The following ZNF614 variants were observed in gnomAD, a reference collection of about 807,000 sequenced individuals.
ZNF614 encodes zinc finger protein 614.
In ZNF614, 11 loss-of-function variants were observed where a neutral mutation model predicts 12.8. That is an observed-to-expected ratio of 0.86 (90% CI 0.54 to 1.43). The LOEUF (loss-of-function observed/expected upper bound fraction) is 1.43, where lower values mean the gene tolerates loss of function less well. Ranked by LOEUF, ZNF614 falls within the 40% of genes most tolerant of loss-of-function variation. The pLI is 0.00. For synonymous variants in ZNF614, 237 were observed against 237.5 expected (o/e 1.00, Z 0.02); for missense variants, 664 against 708.8 (o/e 0.94, Z 0.72).
intron 1 of ZNF614, among the ~76,000 whole-genome samples, chr19:52,026,557 C>G (rs1006612931): frequency 2.7e-4 from 41 of 152,302 alleles, no homozygotes; most frequent in Non-Finnish European, 2.1e-4. Flanking sequence ...CAAGGTTTCT[C>G]CCCATATGAT....
chr19:52,017,354 C>T lies in ZNF614; in HGVS notation c.244G>A (p.Gly82Arg), dbSNP rs61574510. The T allele has an allele frequency of 0.2, 320,286 of 1,585,644 alleles. 34,268 individuals carry two copies. The highest frequency in any genetic ancestry group is 0.37 in the East Asian group (16,537 of 44,590). Residue 82 changes from glycine (G) to arginine (R), a missense_variant, in exon 5 of 5, where the codon GGG becomes AGG. Gly to Arg is a moderately radical substitution (Grantham distance 125). Transcript: ENST00000270649. ...TCTTGCAGATGACTGTCAACTTTCC[C>T]GATTCCTAAGAAAGAACAGAGTAAC... ...KIQNKNCPGI[G>R]KVDSHLQEHS...
chr19:52,026,831 G>T (rs1442797504), intron 1 of ZNF614, among the ~76,000 whole-genome samples: 3 of 152,210 alleles, frequency 2.0e-5, no homozygotes, highest in African/African-American at 7.2e-5. Flanking sequence ...GCTCTTTATT[G>T]TACCGAAATG....
intron 2 of ZNF614, among the ~76,000 whole-genome samples, chr19:52,021,927 C>T (rs1033033581): frequency 6.6e-6 from 1 of 151,790 alleles, no homozygotes; most frequent in African/African-American, 2.4e-5. Context: ...AGTAAGACCA[C>T]AAAAAAATTA....
chr19:52,015,848 A>G lies in ZNF614; in HGVS notation c.1750T>C (p.Tyr584His), dbSNP rs2086892474. 1 of 1,606,924 alleles carries G rather than the reference A, an allele frequency of 6.2e-7. No homozygotes were observed. The highest frequency in any genetic ancestry group is 8.5e-7 in the Non-Finnish European group (1 of 1,176,564). Residue 584 changes from tyrosine (Y) to histidine (H), a missense_variant, in exon 5 of 5, where the codon TAT becomes CAT. Tyr to His is a moderately conservative substitution (Grantham distance 83, BLOSUM62 2). Coordinates refer to ENST00000270649, the MANE Select transcript of ZNF614 (RefSeq NM_025040.4). ...SCNGESQLLP[Y>H]K ...TTTTCTTCTGCATGAGTTCACTTAT[A>G]AGGAAGGAGCTGTGACTCTCCATTA...
chr19:52,026,977 G>A (rs754938711), intron 1 of ZNF614, among the ~76,000 whole-genome samples: 15 of 152,218 alleles, frequency 9.9e-5, no homozygotes, highest in Non-Finnish European at 1.5e-4. Flanking sequence ...CCTCTCCGAG[G>A]TGGTAGAGAT....
chr19:52,020,146 G>C (rs1262604960), intron 2 of ZNF614, among the ~76,000 whole-genome samples: 7 of 152,160 alleles, frequency 4.6e-5, no homozygotes, highest in Non-Finnish European at 1.0e-4. Context: ...ACCTGGGTTA[G>C]GCCAAACTTC....
chr19:52,013,979 A>G lies in ZNF614; in HGVS notation c.*1861T>C, dbSNP rs2086881667. On this transcript the variant is annotated 3_prime_UTR_variant, in exon 5 of 5. Transcript: ENST00000270649. ...AGCAAAGCCTCTAGACTGCTTTTGCAATTTCGAGTTCAAATTTATTTAAGT... is the reference window on the plus strand; with the variant it reads ...AGCAAAGCCTCTAGACTGCTTTTGCGATTTCGAGTTCAAATTTATTTAAGT... The G allele has an allele frequency of 6.6e-6, 1 of 152,200 alleles. No homozygotes were observed. Among genetic ancestry groups the G allele is most frequent in the African/African-American group, 2.4e-5 (1 of 41,444 alleles). The allele number at this position is 152,200 out of a possible 1,614,324, so 9.4% of individuals were successfully genotyped here. A position where few individuals can be genotyped will look rare whatever the true frequency, so the allele number is the denominator to read the frequency against.
chr19:52,019,559 C>A (rs571585125), intron 2 of ZNF614, among the ~76,000 whole-genome samples: 1 of 152,286 alleles, frequency 6.6e-6, no homozygotes, highest in African/African-American at 2.4e-5. Flanking sequence ...ACTATAGAAT[C>A]ATCAAGAGAC....
In ZNF614 at chr19:52,026,456, G is replaced by T. The variant is rs142597638; in HGVS notation, c.-216-495C>A. The stretch of plus-strand genomic sequence containing the variant: ...CTTGAAGGCAGTATGCTTGGTAAAA[G>T]TCATCACCATTCTCTAATCTCAACT... On this transcript the variant is annotated intron_variant, in intron 1 of 4. Coordinates refer to ENST00000270649, the MANE Select transcript of ZNF614 (RefSeq NM_025040.4). Among the ~76,000 whole-genome samples, 914 of 152,316 alleles carry T rather than the reference G, an allele frequency of 6.0e-3. 9 individuals are homozygous for T. The highest frequency in any genetic ancestry group is 0.011 in the Non-Finnish European group (741 of 68,032).
chr19:52,020,204 C>T (rs1013345346), intron 2 of ZNF614, among the ~76,000 whole-genome samples: 6 of 152,208 alleles, frequency 3.9e-5, no homozygotes, highest in African/African-American at 1.4e-4. Context: ...ACTTCAGACA[C>T]AAGCTGCAAG....
chr19:52,027,688 TATAAG>T (rs1376787449), intron 1 of ZNF614, among the ~76,000 whole-genome samples: 1 of 152,070 alleles, frequency 6.6e-6, no homozygotes, highest in Non-Finnish European at 1.5e-5. Flanking sequence ...GCAATAATAA[TATAAG>T]GGTGTATATA....
At chr19:52,020,503 A>G (rs903190901) in intron 2 of ZNF614, among the ~76,000 whole-genome samples, 5 of 152,226 alleles carry the variant, frequency 3.3e-5, no homozygotes, top group Non-Finnish European at 5.9e-5. Flanking sequence ...TTGTGTAACA[A>G]TATTCAAGAG....
chr19:52,027,568 T>C (rs904819182), intron 1 of ZNF614, among the ~76,000 whole-genome samples: 1 of 152,166 alleles, frequency 6.6e-6, no homozygotes, highest in South Asian at 2.1e-4. Flanking sequence ...GAGCTGGAGA[T>C]TGAAGTCAGC....
intron 2 of ZNF614, among the ~76,000 whole-genome samples, chr19:52,020,409 A>G (rs1050553710): frequency 1.3e-5 from 2 of 152,252 alleles, no homozygotes; most frequent in Non-Finnish European, 1.5e-5. Flanking sequence ...GCACAGGGTG[A>G]GGTCTGGGAA....
chr19:52,017,190 A>AT lies in ZNF614; in HGVS notation c.407dup (p.Asn136LysfsTer19). 3 of 1,614,090 alleles carry AT rather than the reference A, an allele frequency of 1.9e-6. No individual in the cohort carries two copies. Among genetic ancestry groups the AT allele is most frequent in the South Asian group, 2.2e-5 (2 of 91,076 alleles). The stretch of plus-strand genomic sequence containing the variant: ...TGATTAAACTTAAACTTGATTTCAA[A>AT]TTTTTTCTGTACAAGTCAAATGTAT... On this transcript the variant is annotated frameshift_variant, in exon 5 of 5. Coordinates refer to ENST00000270649, the MANE Select transcript of ZNF614 (RefSeq NM_025040.4). LOFTEE classifies it low-confidence loss of function (END_TRUNC).
In ZNF614 at chr19:52,016,456, G is replaced by T; in HGVS notation, c.1142C>A (p.Thr381Asn). ...YMCSECGKGFTVKSNLIVHQR... is the reference protein window; with the variant it reads ...YMCSECGKGFNVKSNLIVHQR... ...ATGTACAATGAGATTGCTCTTCACGGTAAAGCCTTTTCCACATTCACTGCA... is the reference window on the plus strand; with the variant it reads ...ATGTACAATGAGATTGCTCTTCACGTTAAAGCCTTTTCCACATTCACTGCA... The change falls in exon 5 of 5, where the codon ACC becomes AAC. Residue 381 changes from threonine (T) to asparagine (N), a missense_variant. Thr to Asn is a moderately conservative substitution (Grantham distance 65, BLOSUM62 0). Coordinates refer to ENST00000270649, the MANE Select transcript of ZNF614 (RefSeq NM_025040.4). 1 of 1,613,990 alleles carries T rather than the reference G, an allele frequency of 6.2e-7. No individual in the cohort carries two copies. Among genetic ancestry groups the T allele is most frequent in the Non-Finnish European group, 8.5e-7 (1 of 1,179,974 alleles).
chr19:52,024,167 T>C (rs1434135612), intron 2 of ZNF614, among the ~76,000 whole-genome samples: 1 of 152,150 alleles, frequency 6.6e-6, no homozygotes, highest in African/African-American at 2.4e-5. Context: ...TCCTGAGTTG[T>C]ACCCTTTCAT....
chr19:52,025,330 C>T (rs368562549), intron 2 of ZNF614, among the ~76,000 whole-genome samples: 45 of 151,532 alleles, frequency 3.0e-4, no homozygotes, highest in African/African-American at 9.7e-4. Flanking sequence ...CTTTTTTTTC[C>T]TTCTTTTTGA....
At position 52,024,236 on chromosome 19, in the gene ZNF614, G is replaced by C. The variant is rs1419797162; in HGVS notation, c.15+1495C>G. 4.6e-5 allele frequency among the ~76,000 whole-genome samples: 7 copies of C among 152,234 alleles called. No individual in the cohort carries two copies. In the East Asian group the frequency reaches 1.4e-3, roughly 29 times the overall value. ...CCTGCATTTTTTGAGCCTTCTAGCA[G>C]ATGAATAGATCTGAGAAGGGGGTTG... On this transcript the variant is annotated intron_variant, in intron 2 of 4. Coordinates refer to ENST00000270649, the MANE Select transcript of ZNF614 (RefSeq NM_025040.4).
Sources: allele counts gnomAD v4.1 joint callset (sites outside exome capture counted in the v4.1 genomes callset), GRCh38; gene constraint gnomAD v4.1.1; transcripts MANE v1.5; gene names NCBI Gene and HGNC (gene_info 2026-07-23, HGNC 2026-07-21).